Variants in LRPPRC observed in about 807,000 individuals in gnomAD.
LRPPRC encodes leucine rich pentatricopeptide repeat containing.
LRPPRC carries 120 observed loss-of-function variants against 180.3 expected under a neutral mutation model. The ratio of observed to expected loss-of-function variants is 0.67; its 90% CI spans 0.57 to 0.77. LRPPRC has a LOEUF of 0.77. Among genes scored for constraint, LRPPRC ranks in the 30% least tolerant of loss-of-function variants. LRPPRC has a pLI of 0.00. For missense variants in LRPPRC, 2,012 were observed against 1,657.2 expected (o/e 1.21, Z -3.72); for synonymous variants, 723 against 600.0 (o/e 1.21, Z -3.00).
At chr2:43,917,987 A>ACCC in intron 29 of LRPPRC, 38 bp downstream of exon 29, 1 of 950,932 alleles carries the variant, frequency 1.1e-6, no homozygotes, top group Non-Finnish European at 1.7e-6. Flanking sequence ...AAAGAAGACC[A>ACCC]CCCCCCCACA....
chr2:43,988,509 C>T (rs1449007907), intron 1 of LRPPRC, among the ~76,000 whole-genome samples: 3 of 152,194 alleles, frequency 2.0e-5, no homozygotes, highest in African/African-American at 4.8e-5. Context: ...GCACTTCAAT[C>T]TGGGCAGTAA....
chr2:43,946,069 G>A (rs376224594), intron 21 of LRPPRC, 44 bp downstream of exon 21: 1 of 1,591,752 alleles, frequency 6.3e-7, no homozygotes, highest in Non-Finnish European at 8.6e-7. Flanking sequence ...GGTCTGTAGA[G>A]CAGAATAAAT....
At chr2:43,976,723 A>C (rs1216407303) in intron 5 of LRPPRC, among the ~76,000 whole-genome samples, 1 of 149,374 alleles carries the variant, frequency 6.7e-6, no homozygotes, top group African/African-American at 2.5e-5. Context: ...AAAAAAAAAA[A>C]AAAAGCAAAG....
rs1378376157 is a variant in LRPPRC, at chr2:43,982,413, C to T, written c.171G>A (p.Arg57=). ...TTTCTTTGGCAGCAATGGCATACAG[C>T]CTGGCTGGGCTCAGTAGTCCTCTAA... ...PVAGGLLSPA[R]LYAIAAKEKD... Residue 57 remains arginine, a synonymous_variant, in exon 2 of 38, where the codon AGG becomes AGA. Coordinates refer to ENST00000260665, the MANE Select transcript of LRPPRC (RefSeq NM_133259.4). 3 of 1,613,652 alleles carry T rather than the reference C, an allele frequency of 1.9e-6. No homozygotes were observed. Among genetic ancestry groups the T allele is most frequent in the East Asian group, 4.5e-5 (2 of 44,874 alleles).
chr2:43,983,055 G>A (rs1313118474), intron 1 of LRPPRC, among the ~76,000 whole-genome samples: 1 of 151,766 alleles, frequency 6.6e-6, no homozygotes, highest in Non-Finnish European at 1.5e-5. Context: ...AATGTTAGCT[G>A]TATTCTTTCC....
At chr2:43,895,706 G>A (rs1281028044) in intron 35 of LRPPRC, among the ~76,000 whole-genome samples, 5 of 152,110 alleles carry the variant, frequency 3.3e-5, no homozygotes, top group East Asian at 1.9e-4. Flanking sequence ...TCAGGAAAAC[G>A]TAGACCTCCC....
chr2:43,936,364 A>G (rs1672278016), intron 23 of LRPPRC, among the ~76,000 whole-genome samples: 1 of 152,204 alleles, frequency 6.6e-6, no homozygotes, highest in Non-Finnish European at 1.5e-5. Flanking sequence ...GAAATTAACG[A>G]TTTATGAAAA....
chr2:43,936,633 C>T (rs897601450), intron 23 of LRPPRC, among the ~76,000 whole-genome samples: 17 of 152,166 alleles, frequency 1.1e-4, no homozygotes, highest in Admixed American at 9.8e-4. Context: ...TAAAAGACAA[C>T]GAAGAAATGT....
intron 8 of LRPPRC, 127 bp from the exon 9 acceptor site, chr2:43,974,422 C>T (rs1673958054): frequency 2.4e-6 from 2 of 833,428 alleles, no homozygotes; most frequent in Non-Finnish European, 4.0e-6. Flanking sequence ...GCCTAAATAA[C>T]AATAAAACAC....
At position 43,995,880 on chromosome 2, in the gene LRPPRC, G is replaced by A. The variant is rs947318294; in HGVS notation, c.68C>T (p.Ser23Phe). ...CGGGCCGCCAGGGAGGAGGCGCAGG[G>A]AGAGCGGGAGGCGCGGGGCCGCCCC... ...RAGAAPRLPL[S>F]LRLLPGGPGR... Residue 23 changes from serine to phenylalanine, a missense_variant, in exon 1 of 38, where the codon TCC (serine) becomes TTC (phenylalanine). Coordinates refer to ENST00000260665, the MANE Select transcript of LRPPRC (RefSeq NM_133259.4). The A allele has an allele frequency of 6.6e-7, 1 of 1,506,462 alleles. No homozygotes were observed. The highest frequency in any genetic ancestry group is 8.8e-7 in the Non-Finnish European group (1 of 1,135,402). The allele number at this position is 1,506,462 out of a possible 1,614,324, so 93.3% of individuals were successfully genotyped here.
At chr2:43,966,432 C>T (rs1041655915) in intron 11 of LRPPRC, among the ~76,000 whole-genome samples, 6 of 148,668 alleles carry the variant, frequency 4.0e-5, no homozygotes, top group African/African-American at 9.9e-5. Flanking sequence ...TTTTTTGAGA[C>T]GGAGTTTCGC....
At chr2:43,961,007 C>G (rs1433880089) in intron 12 of LRPPRC, among the ~76,000 whole-genome samples, 1 of 152,124 alleles carries the variant, frequency 6.6e-6, no homozygotes, top group Non-Finnish European at 1.5e-5. Context: ...CATAGAGGCT[C>G]ATCACTTGTC....
intron 14 of LRPPRC, 36 bp from the exon 15 acceptor site, chr2:43,950,636 G>C (rs748884301): frequency 5.8e-6 from 9 of 1,558,710 alleles, no homozygotes; most frequent in Non-Finnish European, 8.0e-6. Flanking sequence ...AATAAACCCA[G>C]GTTTATTTTC....
chr2:43,951,306 A>G (rs1269965843), intron 14 of LRPPRC, among the ~76,000 whole-genome samples: 12 of 152,256 alleles, frequency 7.9e-5, no homozygotes, highest in Non-Finnish European at 1.8e-4. Flanking sequence ...TTAGGCTACA[A>G]AGAGCTTTAA....
chr2:43,987,489 C>T (rs1361431450), intron 1 of LRPPRC, among the ~76,000 whole-genome samples: 1 of 59,486 alleles, frequency 1.7e-5, no homozygotes, highest in Non-Finnish European at 3.4e-5. Context: ...AGCCAGACTC[C>T]TCAAAAAAAA....
intron 29 of LRPPRC, among the ~76,000 whole-genome samples, chr2:43,914,222 T>C (rs534125953): frequency 6.6e-6 from 1 of 152,314 alleles, no homozygotes; most frequent in Non-Finnish European, 1.5e-5. Context: ...GGTGTGGCTG[T>C]GTAATTAGTC....
At chr2:43,976,272 G>T in intron 5 of LRPPRC, 43 bp from the exon 6 acceptor site, 1 of 1,069,582 alleles carries the variant, frequency 9.3e-7, no homozygotes, top group Non-Finnish European at 1.5e-6. Flanking sequence ...GTATTTATAA[G>T]AACACTCTTT....
In LRPPRC at chr2:43,887,143, CAAAAAAAAA is replaced by C. The variant is rs57494476; in HGVS notation, c.*1448_*1456del. 1 of 73,206 alleles carries C rather than the reference CAAAAAAAAA, an allele frequency of 1.4e-5. No individual in the cohort carries two copies. Among genetic ancestry groups the C allele is most frequent in the African/African-American group, 4.5e-5 (1 of 21,984 alleles). The allele number at this position is 73,206 out of a possible 1,614,324, so 4.5% of individuals were successfully genotyped here. On this transcript the variant is annotated 3_prime_UTR_variant, in exon 38 of 38. Transcript: ENST00000260665. ...CTTAAGCAACAGAGCAAGACTATCTCAAAAAAAAAAAAAAAAAAAAAGATGCTTTTGGCA... is the reference window on the plus strand; with the variant it reads ...CTTAAGCAACAGAGCAAGACTATCTCAAAAAAAAAAAAGATGCTTTTGGCA...
intron 23 of LRPPRC, among the ~76,000 whole-genome samples, chr2:43,937,910 T>G (rs1410529042): frequency 6.6e-6 from 1 of 152,210 alleles, no homozygotes; most frequent in Non-Finnish European, 1.5e-5. Flanking sequence ...AGTCTACTTC[T>G]AGCTTCTGTG....
Sources: allele counts gnomAD v4.1 joint callset (sites outside exome capture counted in the v4.1 genomes callset), GRCh38; gene constraint gnomAD v4.1.1; transcripts MANE v1.5; gene names NCBI Gene and HGNC (gene_info 2026-07-23, HGNC 2026-07-21).